The following CCDC149 variants were observed in gnomAD, a reference collection of about 807,000 sequenced individuals.
CCDC149 encodes the protein coiled-coil domain containing 149.
In CCDC149, 45 loss-of-function variants were observed where a neutral mutation model predicts 59.9. That is an observed-to-expected ratio of 0.75 (90% CI 0.59 to 0.96). The LOEUF (loss-of-function observed/expected upper bound fraction) is 0.96, where lower values mean the gene tolerates loss of function less well. Ranked by LOEUF, CCDC149 falls within the 40% of genes least tolerant of loss-of-function variation. CCDC149 has a pLI of 0.00. For synonymous variants in CCDC149, 245 were observed against 260.6 expected (o/e 0.94, Z 0.58); for missense variants, 584 against 664.7 (o/e 0.88, Z 1.33).
At chr4:24,880,312 A>T (rs1719761813) in intron 1 of CCDC149, among the ~76,000 whole-genome samples, 1 of 152,238 alleles carries the variant, frequency 6.6e-6, no homozygotes, top group African/African-American at 2.4e-5. Flanking sequence ...CTAGGCATGC[A>T]GTACGCTGTG....
At chr4:24,911,166 G>C (rs1406136864) in intron 1 of CCDC149, among the ~76,000 whole-genome samples, 1 of 152,152 alleles carries the variant, frequency 6.6e-6, no homozygotes, top group African/African-American at 2.4e-5. Context: ...ACCAAACAAA[G>C]CACACGGCCT....
At chr4:24,851,185 C>A (rs968027660) in intron 4 of CCDC149, among the ~76,000 whole-genome samples, 1 of 152,208 alleles carries the variant, frequency 6.6e-6, no homozygotes, top group Non-Finnish European at 1.5e-5. Flanking sequence ...CAGACTGTGA[C>A]CACCTGTGCT....
intron 1 of CCDC149, among the ~76,000 whole-genome samples, chr4:24,881,800 C>A: frequency 6.6e-6 from 1 of 152,294 alleles, no homozygotes; most frequent in African/African-American, 2.4e-5. Flanking sequence ...GTATAATCTC[C>A]TTTAATCCTC....
At chr4:24,839,025 C>G (rs1716742818) in intron 4 of CCDC149, among the ~76,000 whole-genome samples, 1 of 109,062 alleles carries the variant, frequency 9.2e-6, no homozygotes, top group Admixed American at 1.0e-4. Flanking sequence ...CTCTCTCTCT[C>G]TCTCACACAC....
At chr4:24,959,241 T>C (rs1176132223) in intron 1 of CCDC149, among the ~76,000 whole-genome samples, 2 of 152,172 alleles carry the variant, frequency 1.3e-5, no homozygotes, top group African/African-American at 4.8e-5. Context: ...CCCAAAGTGC[T>C]GGGATTACAG....
chr4:24,826,236 A>C (rs1715730388), intron 9 of CCDC149, among the ~76,000 whole-genome samples: 1 of 152,172 alleles, frequency 6.6e-6, no homozygotes, highest in Non-Finnish European at 1.5e-5. Flanking sequence ...CTAGGATTAC[A>C]GGTGTGAGCC....
At chr4:24,959,995 A>G (rs1392700646) in intron 1 of CCDC149, among the ~76,000 whole-genome samples, 1 of 152,214 alleles carries the variant, frequency 6.6e-6, no homozygotes, top group Non-Finnish European at 1.5e-5. Flanking sequence ...CATTAACTAC[A>G]TAGGTAAATA....
chr4:24,957,549 G>A (rs1723503556), intron 1 of CCDC149, among the ~76,000 whole-genome samples: 1 of 152,174 alleles, frequency 6.6e-6, no homozygotes, highest in African/African-American at 2.4e-5. Context: ...TATTTTCCAT[G>A]GAGCAATAAG....
chr4:24,941,573 A>G (rs916103249), intron 1 of CCDC149, among the ~76,000 whole-genome samples: 2 of 152,214 alleles, frequency 1.3e-5, no homozygotes, highest in African/African-American at 4.8e-5. Context: ...AAATCGAGAC[A>G]CAAAAAACCC....
chr4:24,834,662 T>TG (rs1449787183), intron 8 of CCDC149, among the ~76,000 whole-genome samples: 1 of 152,116 alleles, frequency 6.6e-6, no homozygotes, highest in Non-Finnish European at 1.5e-5. Flanking sequence ...CTTCCCAAAG[T>TG]GGGGTCCCTA....
chr4:24,866,789 C>CAA lies in CCDC149; in HGVS notation c.264+6890_264+6891dup, dbSNP rs11382183. On this transcript the variant is annotated intron_variant, in intron 3 of 12. Coordinates refer to ENST00000635206, the MANE Select transcript of CCDC149 (RefSeq NM_001330643.2). The stretch of plus-strand genomic sequence containing the variant: ...TCCTTTAACGCGAAGACCCAAAAAG[C>CAA]AAAAAAAAAAAAAAAATATACACAC... Among the ~76,000 whole-genome samples, 814 of 129,670 alleles carry CAA rather than the reference C, an allele frequency of 6.3e-3. 6 individuals carry two copies. The highest frequency in any genetic ancestry group is 0.015 in the African/African-American group (517 of 33,582). 85.1% of individuals were successfully genotyped at this position (129,670 alleles called of 152,430 possible).
rs527574777 is a variant in CCDC149, at chr4:24,962,746, G to A, written c.-65+17323C>T. Among the ~76,000 whole-genome samples the A allele has an allele frequency of 1.3e-3, 200 of 152,100 alleles. 1 individual carries two copies. Among genetic ancestry groups the A allele is most frequent in the Non-Finnish European group, 2.6e-3 (179 of 67,984 alleles). On this transcript the variant is annotated intron_variant, in intron 1 of 12. Transcript: ENST00000389609. ...CGGGGCCTGTTGTGGGGTGGGAGGAGGGGGGAGGGATAGCATTAGGAGATA... is the reference window on the plus strand; with the variant it reads ...CGGGGCCTGTTGTGGGGTGGGAGGAAGGGGGAGGGATAGCATTAGGAGATA...
intron 1 of CCDC149, among the ~76,000 whole-genome samples, chr4:24,968,596 C>G (rs1038746175): frequency 1.3e-5 from 2 of 152,194 alleles, no homozygotes; most frequent in Non-Finnish European, 1.5e-5. Context: ...GAATTGGGTC[C>G]CCTCATTCCC....
At chr4:24,849,231 G>A (rs905799733) in intron 4 of CCDC149, among the ~76,000 whole-genome samples, 12 of 152,170 alleles carry the variant, frequency 7.9e-5, no homozygotes, top group African/African-American at 2.7e-4. Context: ...CTTATAGACT[G>A]ACACTCTGAG....
chr4:24,966,131 G>A (rs1041564970), intron 1 of CCDC149, among the ~76,000 whole-genome samples: 12 of 152,132 alleles, frequency 7.9e-5, no homozygotes, highest in African/African-American at 1.2e-4. Context: ...ACAGGATCCC[G>A]AGCTGTTGCA....
At chr4:24,979,423 A>T (rs1724367478) in intron 1 of CCDC149, among the ~76,000 whole-genome samples, 1 of 152,212 alleles carries the variant, frequency 6.6e-6, no homozygotes, top group Non-Finnish European at 1.5e-5. Flanking sequence ...TAGAAGAAAG[A>T]GAGAAGACAT....
At chr4:24,944,458 G>A (rs1672296040) in intron 1 of CCDC149, among the ~76,000 whole-genome samples, 2 of 152,066 alleles carry the variant, frequency 1.3e-5, no homozygotes, top group Admixed American at 1.3e-4. Context: ...TAAGTGACGA[G>A]TTAATGGGTG....
intron 1 of CCDC149, among the ~76,000 whole-genome samples, chr4:24,951,316 T>C (rs973841221): frequency 1.3e-5 from 2 of 152,220 alleles, no homozygotes; most frequent in South Asian, 4.2e-4. Flanking sequence ...AACTTCAGGG[T>C]GGACAGCGTG....
chr4:24,955,550 C>G (rs533545853), intron 1 of CCDC149, among the ~76,000 whole-genome samples: 20 of 152,300 alleles, frequency 1.3e-4, no homozygotes, highest in African/African-American at 4.8e-4. Context: ...GAAAGAAACA[C>G]TGACACATAC....
Sources: allele counts gnomAD v4.1 joint callset (sites outside exome capture counted in the v4.1 genomes callset), GRCh38; gene constraint gnomAD v4.1.1; transcripts MANE v1.5; gene names NCBI Gene and HGNC (gene_info 2026-07-23, HGNC 2026-07-21).